The following ZBTB46 variants were observed in gnomAD, a reference collection of about 807,000 sequenced individuals.
The protein encoded by ZBTB46 is zinc finger and BTB domain-containing protein 46.
ZBTB46 carries 8 observed loss-of-function variants against 44.1 expected under a neutral mutation model. The ratio of observed to expected loss-of-function variants is 0.18; its 90% CI spans 0.11 to 0.33. The LOEUF is 0.33. Among genes scored for constraint, ZBTB46 ranks in the 10% least tolerant of loss-of-function variants. The pLI, the probability that ZBTB46 is intolerant of heterozygous loss-of-function variation, is 1.00. For missense variants in ZBTB46, 651 were observed against 847.7 expected (o/e 0.77, Z 2.88); for synonymous variants, 409 against 382.3 (o/e 1.07, Z -0.81).
intron 1 of ZBTB46, among the ~76,000 whole-genome samples, chr20:63,828,145 C>A (rs1004710904): frequency 1.3e-5 from 2 of 152,228 alleles, no homozygotes; most frequent in African/African-American, 4.8e-5. Flanking sequence ...ATAAACAACA[C>A]CATTGGGGCC....
chr20:63,781,157 A>G (rs988147834), intron 2 of ZBTB46, among the ~76,000 whole-genome samples: 1 of 151,264 alleles, frequency 6.6e-6, no homozygotes, highest in Admixed American at 6.6e-5. Context: ...AAAAAAAAAA[A>G]AAAAAAGAAA....
chr20:63,794,824 G>A (rs199600913), intron 1 of ZBTB46, among the ~76,000 whole-genome samples: 1 of 133,592 alleles, frequency 7.5e-6, no homozygotes, highest in African/African-American at 2.6e-5. Flanking sequence ...CCTGGCCACA[G>A]GACACACCTG....
chr20:63,828,308 C>G (rs2092830365), intron 1 of ZBTB46, among the ~76,000 whole-genome samples: 1 of 152,258 alleles, frequency 6.6e-6, no homozygotes, highest in Non-Finnish European at 1.5e-5. Flanking sequence ...ACAGCTACGC[C>G]GCAGCCGCGG....
At chr20:63,812,414 C>T (rs780488790) in intron 1 of ZBTB46, among the ~76,000 whole-genome samples, 2 of 152,154 alleles carry the variant, frequency 1.3e-5, no homozygotes, top group East Asian at 3.9e-4. Flanking sequence ...GAGGCGGAGG[C>T]GGGCGAATCA....
At chr20:63,832,527 T>C (rs975859089), upstream of ZBTB46, among the ~76,000 whole-genome samples, 2 of 152,132 alleles carry the variant, frequency 1.3e-5, no homozygotes, top group South Asian at 4.1e-4. This position sits in a 1 kb window ranked among gnomAD's most constrained non-coding sequence, Gnocchi z 5.0. Flanking sequence ...GGAGCGGCAG[T>C]GGGAGGCGGC....
intron 1 of ZBTB46, among the ~76,000 whole-genome samples, chr20:63,826,924 T>G (rs1030110315): frequency 3.5e-4 from 54 of 152,250 alleles, no homozygotes; most frequent in African/African-American, 1.2e-3. Context: ...CAATCCACTC[T>G]CCGGGAAGCA....
rs552827189 is a variant in ZBTB46 at position 63,760,034 on chromosome 20, T to C, written c.1223-7173A>G. 2.6e-4 allele frequency among the ~76,000 whole-genome samples: 39 copies of C among 152,338 alleles called. 1 individual carries two copies. In the Middle Eastern group the frequency reaches 0.01, roughly 40 times the overall value. ...CTTCCTCTGTCTCACTGGATTCAATTTGCTGGTATTTACTTTAATAGTTGC... is the reference window on the plus strand; with the variant it reads ...CTTCCTCTGTCTCACTGGATTCAATCTGCTGGTATTTACTTTAATAGTTGC... On this transcript the variant is annotated intron_variant, in intron 3 of 4. Transcript: ENST00000245663.
chr20:63,746,907 A>G lies in ZBTB46; in HGVS notation c.*23T>C. ...CACGGGTGGACGGAGCGAGGCAGCC[A>G]CCGACCCTGCCGGCGGGCGGGCCTA... On this transcript the variant is annotated 3_prime_UTR_variant, in exon 5 of 5. Transcript: ENST00000245663. 2 of 1,504,062 alleles carry G rather than the reference A, an allele frequency of 1.3e-6. No individual in the cohort carries two copies. Among genetic ancestry groups the G allele is most frequent in the Non-Finnish European group, 1.8e-6 (2 of 1,127,732 alleles). The allele number at this position is 1,504,062 out of a possible 1,614,324, so 93.2% of individuals were successfully genotyped here. A position where few individuals can be genotyped will look rare whatever the true frequency, so the allele number is the denominator to read the frequency against.
chr20:63,799,113 C>T (rs2092624993), intron 1 of ZBTB46, among the ~76,000 whole-genome samples: 1 of 152,002 alleles, frequency 6.6e-6, no homozygotes, highest in African/African-American at 2.4e-5. Flanking sequence ...TCACTGCAGC[C>T]TCCACCTCCC....
At chr20:63,750,910 A>C (rs545150491) in intron 4 of ZBTB46, among the ~76,000 whole-genome samples, 21 of 152,238 alleles carry the variant, frequency 1.4e-4, no homozygotes, top group African/African-American at 4.8e-4. Flanking sequence ...TCAAAAAAAA[A>C]ACAAAAAAAC....
chr20:63,757,340 C>T (rs1271646008), intron 3 of ZBTB46, among the ~76,000 whole-genome samples: 1 of 152,182 alleles, frequency 6.6e-6, no homozygotes, highest in Non-Finnish European at 1.5e-5. Flanking sequence ...CCAGGCTGGT[C>T]TCGAACTCCT....
chr20:63,790,282 G>A lies in ZBTB46; in HGVS notation c.476C>T (p.Ser159Leu), dbSNP rs867409896. Reference protein sequence around the residue: ...SSSSSTEALISAVMAGRSISP... With the variant: ...SSSSSTEALILAVMAGRSISP... ...GATGCTCCTCCCAGCCATCACGGCCGAGATGAGAGCTTCCGTGCTGCTGCT... is the reference window on the plus strand; with the variant it reads ...GATGCTCCTCCCAGCCATCACGGCCAAGATGAGAGCTTCCGTGCTGCTGCT... Residue 159 changes from serine to leucine, a missense_variant, in exon 2 of 5, where the codon TCG becomes TTG. Ser to Leu is a moderately radical substitution (Grantham distance 145, BLOSUM62 -2). This residue lies in a region of ZBTB46 where 385 missense variants were observed against 423.3 expected (regional missense o/e 0.91). Coordinates refer to ENST00000245663, the MANE Select transcript of ZBTB46 (RefSeq NM_001369741.1). 1.2e-6 allele frequency: 2 copies of A among 1,612,732 alleles called. No individual in the cohort carries two copies. The highest frequency in any genetic ancestry group is 1.7e-6 in the Non-Finnish European group (2 of 1,179,818).
At position 63,803,907 on chromosome 20, in the gene ZBTB46, G is replaced by A. The variant is rs1019683887; in HGVS notation, c.-33-13117C>T. ...TTTTGTAGAGACGGGGTTCTGTCGTGTTGCCCAGGTTGGTCTTGAATTCCT... is the reference window on the plus strand; with the variant it reads ...TTTTGTAGAGACGGGGTTCTGTCGTATTGCCCAGGTTGGTCTTGAATTCCT... On this transcript the variant is annotated intron_variant, in intron 1 of 4. Coordinates refer to ENST00000245663, the MANE Select transcript of ZBTB46 (RefSeq NM_001369741.1). The surrounding 1 kb of genome is among the most constrained non-coding windows in gnomAD (Gnocchi z 4.0). Among the ~76,000 whole-genome samples the A allele has an allele frequency of 6.6e-6, 1 of 152,160 alleles. No individual in the cohort carries two copies. The highest frequency in any genetic ancestry group is 1.5e-5 in the Non-Finnish European group (1 of 68,034).
intron 2 of ZBTB46, among the ~76,000 whole-genome samples, chr20:63,778,173 A>G (rs1203384269): frequency 6.6e-6 from 1 of 152,122 alleles, no homozygotes; most frequent in Non-Finnish European, 1.5e-5. Flanking sequence ...TAAATGGGTG[A>G]GTGGGGTGTG....
chr20:63,778,002 T>C (rs888567659), intron 2 of ZBTB46, among the ~76,000 whole-genome samples: 4 of 152,030 alleles, frequency 2.6e-5, no homozygotes, highest in African/African-American at 4.8e-5. Flanking sequence ...AGACAGAAAG[T>C]AGGTTTGTGG....
chr20:63,804,112 G>A (rs11697082), intron 1 of ZBTB46, among the ~76,000 whole-genome samples: 11,810 of 152,012 alleles, frequency 0.078, 931 homozygotes, highest in East Asian at 0.44. Flanking sequence ...CCAGGGTCTC[G>A]GTGGGCTGTG....
chr20:63,793,097 C>A (rs1316044192), intron 1 of ZBTB46, among the ~76,000 whole-genome samples: 1 of 152,192 alleles, frequency 6.6e-6, no homozygotes, highest in African/African-American at 2.4e-5. Flanking sequence ...GGCCTCAAGC[C>A]CCCAAGATGC....
At chr20:63,821,875 T>G (rs1039770605) in intron 1 of ZBTB46, among the ~76,000 whole-genome samples, 16 of 152,230 alleles carry the variant, frequency 1.1e-4, no homozygotes, top group Non-Finnish European at 8.8e-5. Context: ...GAGGCGGTTT[T>G]AAATATCCTG....
intron 2 of ZBTB46, among the ~76,000 whole-genome samples, chr20:63,776,607 C>T (rs940271336): frequency 2.6e-5 from 4 of 152,126 alleles, no homozygotes; most frequent in African/African-American, 9.7e-5. Context: ...AGTTCAAGGC[C>T]AGCCTGGCCA....
Sources: gnomAD v4.1 joint callset for allele counts (sites outside exome capture counted in the v4.1 genomes callset) on GRCh38, gnomAD v4.1.1 for gene constraint, gnomAD v4.1.1 regional missense constraint, Gnocchi (gnomAD v3.1) non-coding constraint, MANE v1.5 for transcripts, NCBI Gene and HGNC (gene_info 2026-07-23, HGNC 2026-07-21) for gene names.